The following NEK10 variants were observed in gnomAD, a reference collection of about 807,000 sequenced individuals.
The protein encoded by NEK10 is NIMA related kinase 10, also known as serine/threonine-protein kinase Nek10.
NEK10 carries 122 observed loss-of-function variants against 159.8 expected under a neutral mutation model. The observed-to-expected ratio is 0.76, with a 90% CI of 0.66 to 0.89. The LOEUF (loss-of-function observed/expected upper bound fraction) is 0.89. Ranked by LOEUF, NEK10 falls within the 40% of genes least tolerant of loss-of-function variation. NEK10 has a pLI of 0.00. For synonymous variants in NEK10, 466 were observed against 457.1 expected, an observed-to-expected ratio of 1.02 and a Z score of -0.25; for missense variants, 1,342 against 1,323.1, an observed-to-expected ratio of 1.01 and a Z score of -0.22.
At chr3:27,215,768 GC>G (rs1951456719) in intron 23 of NEK10, 3 of 715,222 alleles carry the variant, frequency 4.2e-6, no homozygotes, top group Non-Finnish European at 7.8e-6. Flanking sequence ...GATGGCATTT[GC>G]TTCTTGGGAG....
Position 27,295,707 on chromosome 3 carries a change from G to A in NEK10, c.1231-17C>T. The A allele has an allele frequency of 6.4e-7, 1 of 1,555,668 alleles. No homozygotes were observed. Among genetic ancestry groups the A allele is most frequent in the Non-Finnish European group, 8.7e-7 (1 of 1,148,016 alleles). On this transcript the variant is annotated splice_polypyrimidine_tract_variant and intron_variant, in intron 14 of 35. Transcript: ENST00000691995. ...ACCATTTTCCTGAAAGAATAAAGGGGTCATACTATGAGTGACAACACTGTA... is the reference window on the plus strand; with the variant it reads ...ACCATTTTCCTGAAAGAATAAAGGGATCATACTATGAGTGACAACACTGTA...
At position 27,115,612 on chromosome 3, in the gene NEK10, T is replaced by C. The variant is rs1442406512; in HGVS notation, c.3299+328A>G. ...GAGTGAGTTTTCAGCTCTTCTAGAATGAGACAAACAAATATTTGATGTTTA... is the reference window on the plus strand; with the variant it reads ...GAGTGAGTTTTCAGCTCTTCTAGAACGAGACAAACAAATATTTGATGTTTA... On this transcript the variant is annotated intron_variant, in intron 35 of 35. Transcript: ENST00000691995. Among the ~76,000 whole-genome samples the C allele has an allele frequency of 2.6e-5, 4 of 152,182 alleles. No individual in the cohort carries two copies. The East Asian group carries it at 7.7e-4, about 29-fold the overall frequency.
chr3:27,162,455 T>C (rs1442473572), intron 30 of NEK10: 5 of 1,613,964 alleles, frequency 3.1e-6, no homozygotes, highest in South Asian at 2.2e-5. Context: ...ATCTAGTAAG[T>C]ACTACCATGA....
At chr3:27,145,516 T>C (rs928553447) in intron 30 of NEK10, among the ~76,000 whole-genome samples, 3 of 152,202 alleles carry the variant, frequency 2.0e-5, no homozygotes, top group Non-Finnish European at 2.9e-5. Context: ...TAGCTTACTC[T>C]GTTGCAAGCA....
intron 26 of NEK10, among the ~76,000 whole-genome samples, chr3:27,184,893 T>C (rs756596416): frequency 1.3e-5 from 2 of 152,182 alleles, no homozygotes; most frequent in Non-Finnish European, 2.9e-5. Flanking sequence ...GCTCAGCAAT[T>C]GTAAATGACA....
intron 5 of NEK10, among the ~76,000 whole-genome samples, chr3:27,340,841 A>G (rs2047153197): frequency 2.0e-5 from 3 of 152,226 alleles, no homozygotes; most frequent in South Asian, 4.1e-4. Flanking sequence ...CAATTCTGCT[A>G]CTGGGTATCT....
At chr3:27,220,657 C>T (rs2149150243) in intron 23 of NEK10, among the ~76,000 whole-genome samples, 1 of 151,654 alleles carries the variant, frequency 6.6e-6, no homozygotes, top group African/African-American at 2.4e-5. Flanking sequence ...TTTTTTCTTG[C>T]AGAAATTGAC....
At chr3:27,288,535 G>A (rs1367106426) in intron 19 of NEK10, among the ~76,000 whole-genome samples, 2 of 152,070 alleles carry the variant, frequency 1.3e-5, no homozygotes, top group Non-Finnish European at 2.9e-5. Flanking sequence ...GTCCCCAGCT[G>A]TCCAGTCCTC....
At chr3:27,327,931 A>G (rs1323861558) in intron 5 of NEK10, among the ~76,000 whole-genome samples, 3 of 115,238 alleles carry the variant, frequency 2.6e-5, no homozygotes, top group Non-Finnish European at 5.8e-5. Context: ...TCTATGCAAA[A>G]CTTAAAAAAA....
In NEK10 at chr3:27,295,665, T is replaced by G; in HGVS notation, c.1256A>C (p.Lys419Thr). Reference sequence around the variant, plus strand: ...CTTTTGCTTATTTGGTAAAATTAATTTTGCTATTGTATATACACCATTTTC... The same window carrying G: ...CTTTTGCTTATTTGGTAAAATTAATGTTGCTATTGTATATACACCATTTTC... ...VQENGVYTIAKLILPNKQKNA... is the reference protein window; with the variant it reads ...VQENGVYTIATLILPNKQKNA... The change falls in exon 15 of 36, where the codon AAA (lysine) becomes ACA (threonine). Residue 419 changes from lysine (K) to threonine (T), a missense_variant. By Grantham distance (78) the Lys-to-Thr change is moderately conservative. Transcript: ENST00000691995. 6.4e-7 allele frequency: 1 copy of G among 1,567,120 alleles called. No individual in the cohort carries two copies. The highest frequency in any genetic ancestry group is 1.2e-5 in the South Asian group (1 of 85,678).
intron 30 of NEK10, 142 bp downstream of exon 30, chr3:27,162,559 A>C (rs199596033): frequency 8.1e-6 from 13 of 1,614,056 alleles, no homozygotes; most frequent in Middle Eastern, 1.6e-4. Flanking sequence ...GGCCCTGAGC[A>C]TGTGGGGTGG....
intron 23 of NEK10, among the ~76,000 whole-genome samples, chr3:27,219,324 G>A (rs1322051173): frequency 6.6e-6 from 1 of 152,142 alleles, no homozygotes; most frequent in Non-Finnish European, 1.5e-5. Flanking sequence ...TTTTCTTTTG[G>A]ATTAAGGCAA....
rs1346195515 is a variant in NEK10, at chr3:27,111,334, A to G, written c.3300-14T>C. 6.4e-7 allele frequency: 1 copy of G among 1,566,814 alleles called. No individual in the cohort carries two copies. Among genetic ancestry groups the G allele is most frequent in the Admixed American group, 1.8e-5 (1 of 54,888 alleles). On this transcript the variant is annotated splice_polypyrimidine_tract_variant and intron_variant, in intron 35 of 35. Coordinates refer to ENST00000691995, the MANE Select transcript of NEK10 (RefSeq NM_001394966.1). The stretch of plus-strand genomic sequence containing the variant: ...TAGGAATGATACCTATAAGATTCAG[A>G]AGTGGAAAGAATTCTCTATAGTTAC...
intron 23 of NEK10, among the ~76,000 whole-genome samples, chr3:27,211,912 C>T (rs1042650122): frequency 7.9e-4 from 120 of 152,260 alleles, no homozygotes; most frequent in African/African-American, 2.3e-3. Context: ...TTAAACTGTT[C>T]TGTGGCCTTA....
chr3:27,144,513 T>C (rs964206814), intron 30 of NEK10, among the ~76,000 whole-genome samples: 2 of 152,210 alleles, frequency 1.3e-5, no homozygotes, highest in African/African-American at 4.8e-5. Context: ...ATTTACACTC[T>C]GACCAGAAAA....
At chr3:27,362,742 G>A (rs533058777) in intron 1 of NEK10, among the ~76,000 whole-genome samples, 41 of 151,612 alleles carry the variant, frequency 2.7e-4, no homozygotes, top group African/African-American at 4.3e-4. Flanking sequence ...CCTCACCCCC[G>A]TATCTGATAT....
chr3:27,282,564 A>AC (rs1398328158), intron 22 of NEK10, among the ~76,000 whole-genome samples: 1 of 124,606 alleles, frequency 8.0e-6, no homozygotes, highest in Non-Finnish European at 1.6e-5. Flanking sequence ...ATATATACAT[A>AC]ACTGTGTTAT....
At chr3:27,283,202 C>T (rs1341818928) in intron 22 of NEK10, among the ~76,000 whole-genome samples, 1 of 152,076 alleles carries the variant, frequency 6.6e-6, no homozygotes, top group African/African-American at 2.4e-5. Flanking sequence ...TACTGAAATT[C>T]TAAAACCAAG....
chr3:27,148,246 T>C (rs1485274506), intron 30 of NEK10, among the ~76,000 whole-genome samples: 1 of 152,160 alleles, frequency 6.6e-6, no homozygotes, highest in Admixed American at 6.5e-5. Context: ...CTTAGTTGTA[T>C]CAACATTTTT....
Sources: gnomAD v4.1 joint callset for allele counts (sites outside exome capture counted in the v4.1 genomes callset) on GRCh38, gnomAD v4.1.1 for gene constraint, MANE v1.5 for transcripts, NCBI Gene and HGNC (gene_info 2026-07-23, HGNC 2026-07-21) for gene names.